Variants in SLC13A1 observed in about 807,000 individuals in gnomAD.
SLC13A1 encodes solute carrier family 13 member 1.
SLC13A1 carries 65 observed loss-of-function variants against 70.0 expected under a neutral mutation model. The ratio of observed to expected loss-of-function variants is 0.93; its 90% CI spans 0.76 to 1.14. The LOEUF is 1.14. Among genes scored for constraint, SLC13A1 ranks in the 50% most tolerant of loss-of-function variants. SLC13A1 has a pLI of 0.00. For missense variants in SLC13A1, 726 were observed against 717.8 expected (o/e 1.01, Z -0.13); for synonymous variants, 275 against 250.5 (o/e 1.10, Z -0.92).
At chr7:123,129,622 G>T in intron 8 of SLC13A1, 141 bp from the exon 9 acceptor site, 1 of 631,862 alleles carries the variant, frequency 1.6e-6, no homozygotes, top group Non-Finnish European at 2.8e-6. Context: ...GTTAATAACA[G>T]ATATCTGTGC....
chr7:123,183,915 A>G (rs575376040), intron 1 of SLC13A1, among the ~76,000 whole-genome samples: 4 of 152,220 alleles, frequency 2.6e-5, no homozygotes, highest in South Asian at 2.1e-4. Flanking sequence ...ATGTCTCATC[A>G]TGGAGTTTAC....
At chr7:123,175,608 G>C (rs1460958265) in intron 2 of SLC13A1, among the ~76,000 whole-genome samples, 1 of 152,126 alleles carries the variant, frequency 6.6e-6, no homozygotes, top group Non-Finnish European at 1.5e-5. Context: ...CTATGGAGCA[G>C]ACAGCAAGCC....
intron 8 of SLC13A1, among the ~76,000 whole-genome samples, chr7:123,131,840 A>T (rs778276584): frequency 2.0e-5 from 3 of 152,204 alleles, no homozygotes; most frequent in Non-Finnish European, 4.4e-5. Context: ...TATGCACTTC[A>T]TGGGATTTTT....
At chr7:123,120,818 A>T (rs1020168573) in intron 12 of SLC13A1, among the ~76,000 whole-genome samples, 3 of 152,018 alleles carry the variant, frequency 2.0e-5, no homozygotes, top group East Asian at 3.9e-4. Context: ...ATACTTTAAG[A>T]ATAGGTTTTA....
intron 3 of SLC13A1, among the ~76,000 whole-genome samples, chr7:123,171,402 G>T (rs957254445): frequency 2.6e-5 from 4 of 152,184 alleles, no homozygotes; most frequent in Admixed American, 2.6e-4. Context: ...TCTTGAACAA[G>T]TTCTGAATGT....
At chr7:123,127,968 G>T (rs1213389290) in intron 10 of SLC13A1, among the ~76,000 whole-genome samples, 1 of 149,032 alleles carries the variant, frequency 6.7e-6, no homozygotes, top group Non-Finnish European at 1.5e-5. Flanking sequence ...TCTCACAACT[G>T]AGTTATTTAT....
intron 8 of SLC13A1, among the ~76,000 whole-genome samples, chr7:123,131,674 C>T (rs1793766018): frequency 6.6e-6 from 1 of 152,116 alleles, no homozygotes; most frequent in Non-Finnish European, 1.5e-5. Flanking sequence ...TTCCGTCTGT[C>T]AATCTAAAAT....
chr7:123,193,362 T>G (rs1796062934), intron 1 of SLC13A1, among the ~76,000 whole-genome samples: 1 of 152,062 alleles, frequency 6.6e-6, no homozygotes. Flanking sequence ...TTGGGGAATG[T>G]TTCAGAATAT....
chr7:123,166,887 A>T (rs956412095), intron 6 of SLC13A1, among the ~76,000 whole-genome samples: 1 of 152,216 alleles, frequency 6.6e-6, no homozygotes, highest in Non-Finnish European at 1.5e-5. Context: ...GGCGAAGGAT[A>T]TGAACAGACA....
At position 123,169,230 on chromosome 7, in the gene SLC13A1, C is replaced by T. The variant is rs1228491473; in HGVS notation, c.471G>A (p.Gln157=). The part of the protein sequence containing the change: ...VMPIAEAVVQ[Q]IINAEAEVEA... ...CGACCTCTGCTTCTGCATTGATGAT[C>T]TGCTGCACTACAGCCTCCGCAATGG... Residue 157 remains glutamine (Q), a synonymous_variant, in exon 4 of 15, where the codon CAG becomes CAA. Coordinates refer to ENST00000194130, the MANE Select transcript of SLC13A1 (RefSeq NM_022444.4). 1 of 1,613,934 alleles carries T rather than the reference C, an allele frequency of 6.2e-7. No individual in the cohort carries two copies. The highest frequency in any genetic ancestry group is 8.5e-7 in the Non-Finnish European group (1 of 1,180,004).
In SLC13A1 at chr7:123,123,168, G is replaced by A; in HGVS notation, c.1308C>T (p.Ala436=). Residue 436 remains alanine (A), a synonymous_variant, in exon 12 of 15, where the codon GCC becomes GCT. Transcript: ENST00000194130. ...EFQSFMPWDI[A]ILVGGGFALA... is the part of the protein sequence containing the mutation. ...GGGCAAACCCTCCACCAACAAGAAT[G>A]GCTATATCCCAGGGCATGAATGACT... The A allele has an allele frequency of 2.5e-6, 4 of 1,613,508 alleles. No individual in the cohort carries two copies. Among genetic ancestry groups the A allele is most frequent in the Non-Finnish European group, 3.4e-6 (4 of 1,179,596 alleles).
At chr7:123,149,918 A>G (rs1422489477) in intron 6 of SLC13A1, among the ~76,000 whole-genome samples, 1 of 152,062 alleles carries the variant, frequency 6.6e-6, no homozygotes, top group Non-Finnish European at 1.5e-5. Context: ...TCTTAAAAAA[A>G]CTCCAAACTC....
At chr7:123,178,033 C>CTCTCTCTCTCTCTCTCTCTCTATA (rs761704605) in intron 2 of SLC13A1, among the ~76,000 whole-genome samples, 1 of 149,958 alleles carries the variant, frequency 6.7e-6, no homozygotes, top group African/African-American at 2.5e-5. Flanking sequence ...CTCTCTCTCT[C>CTCTCTCTCTCTCTCTCTCTCTATA]TATATATATA....
At position 123,147,237 on chromosome 7, in the gene SLC13A1, G is replaced by A; in HGVS notation, c.734C>T (p.Ala245Val). 5 of 1,613,694 alleles carry A rather than the reference G, an allele frequency of 3.1e-6. No individual in the cohort carries two copies. Among genetic ancestry groups the A allele is most frequent in the East Asian group, 4.5e-5 (2 of 44,782 alleles). ...CAGTCCACCAATGGTAGAAGAGTAGGCAATGCACAAACACGTAAGTTTACG... is the reference window on the plus strand; with the variant it reads ...CAGTCCACCAATGGTAGAAGAGTAGACAATGCACAAACACGTAAGTTTACG... Reference protein sequence around the residue: ...VTRKLTCLCIAYSSTIGGLTT... With the variant: ...VTRKLTCLCIVYSSTIGGLTT... Residue 245 changes from alanine to valine, a missense_variant, in exon 7 of 15, where the codon GCC becomes GTC. Coordinates refer to ENST00000194130, the MANE Select transcript of SLC13A1 (RefSeq NM_022444.4).
chr7:123,168,308 T>C, intron 6 of SLC13A1, 66 bp downstream of exon 6: 4 of 1,054,080 alleles, frequency 3.8e-6, no homozygotes, highest in Non-Finnish European at 5.6e-6. Flanking sequence ...AAAATGCATA[T>C]GTATCTAACT....
At chr7:123,141,031 G>A (rs879550234) in intron 7 of SLC13A1, among the ~76,000 whole-genome samples, 2 of 150,390 alleles carry the variant, frequency 1.3e-5, no homozygotes, top group Admixed American at 1.3e-4. Flanking sequence ...TTTTTTTTCT[G>A]ATGTAGGCAC....
In SLC13A1 at chr7:123,169,314, G is replaced by A; in HGVS notation, c.387C>T (p.Ser129=). 6.2e-7 allele frequency: 1 copy of A among 1,612,782 alleles called. No homozygotes were observed. Among genetic ancestry groups the A allele is most frequent in the East Asian group, 2.2e-5 (1 of 44,878 alleles). The change falls in exon 4 of 15, where the codon AGC becomes AGT. Residue 129 remains serine (S), a synonymous_variant. Transcript: ENST00000194130. ...GCCACATAGACAAAAAGGCAGTGCT[G>A]CTCATGAACCCCAGCGTCAGCCTGA... is the stretch of plus-strand genomic sequence containing the variant. The part of the protein sequence containing the change: ...NPAWLTLGFM[S]STAFLSMWLS...
At chr7:123,146,030 A>G (rs963125959) in intron 7 of SLC13A1, among the ~76,000 whole-genome samples, 4 of 152,080 alleles carry the variant, frequency 2.6e-5, no homozygotes, top group African/African-American at 9.7e-5. Flanking sequence ...TCTGATTATT[A>G]TCTGTTCTTT....
chr7:123,183,704 T>C (rs909895116), intron 1 of SLC13A1, among the ~76,000 whole-genome samples: 8 of 152,116 alleles, frequency 5.3e-5, no homozygotes, highest in Admixed American at 4.6e-4. Flanking sequence ...TCAATCAGCA[T>C]TTTCAGGCTC....
Sources: allele counts gnomAD v4.1 joint callset (sites outside exome capture counted in the v4.1 genomes callset), GRCh38; gene constraint gnomAD v4.1.1; transcripts MANE v1.5; gene names NCBI Gene and HGNC (gene_info 2026-07-23, HGNC 2026-07-21).